The following APP variants were observed in gnomAD, a reference collection of about 807,000 sequenced individuals.
APP encodes the protein amyloid-beta precursor protein.
APP carries 31 observed loss-of-function variants against 101.4 expected under a neutral mutation model. The ratio of observed to expected loss-of-function variants is 0.31; its 90% confidence interval spans 0.23 to 0.41. The LOEUF (loss-of-function observed/expected upper bound fraction) is 0.41. Among genes scored for constraint, APP ranks in the 10% least tolerant of loss-of-function variants. The pLI is 1.00. For missense variants in APP, 839 were observed against 1,003.7 expected, an observed-to-expected ratio of 0.84 and a Z score of 2.22; for synonymous variants, 366 against 364.4, an observed-to-expected ratio of 1.00 and a Z score of -0.05.
intron 5 of APP, among the ~76,000 whole-genome samples, chr21:26,031,198 C>CAT (rs1446535884): frequency 6.6e-6 from 1 of 152,166 alleles, no homozygotes; most frequent in East Asian, 1.9e-4. Flanking sequence ...CCACTGTGTC[C>CAT]ATACACATGA....
rs532141095 is a variant in APP at position 26,105,576 on chromosome 21, G to T, written c.225+6403C>A. Among the ~76,000 whole-genome samples, 10 of 151,072 alleles carry T rather than the reference G, an allele frequency of 6.6e-5. 2 individuals carry two copies. In the South Asian group the frequency reaches 2.1e-3, roughly 31 times the overall value. ...TTCCAACACACGCATGAAAATCCAAGCCTACAAATGAGAACTATTCATTAT... is the reference window on the plus strand; with the variant it reads ...TTCCAACACACGCATGAAAATCCAATCCTACAAATGAGAACTATTCATTAT... On this transcript the variant is annotated intron_variant, in intron 2 of 17. Transcript: ENST00000346798.
chr21:25,963,432 G>A (rs2041665961), intron 11 of APP, among the ~76,000 whole-genome samples: 1 of 152,170 alleles, frequency 6.6e-6, no homozygotes, highest in Admixed American at 6.5e-5. Context: ...GAAGTGTCAA[G>A]AGCGTTTAAA....
intron 6 of APP, among the ~76,000 whole-genome samples, chr21:26,010,576 G>A (rs1226131234): frequency 1.3e-5 from 2 of 151,922 alleles, no homozygotes; most frequent in African/African-American, 2.4e-5. Flanking sequence ...TTGGGAGGCC[G>A]AGATGGATGG....
At chr21:25,950,971 C>T (rs1203117174) in intron 13 of APP, among the ~76,000 whole-genome samples, 1 of 152,154 alleles carries the variant, frequency 6.6e-6, no homozygotes, top group Non-Finnish European at 1.5e-5. Flanking sequence ...GAGTGTTATA[C>T]ACATTGATTG....
chr21:25,970,497 G>A (rs1162574290), intron 11 of APP, among the ~76,000 whole-genome samples: 3 of 152,036 alleles, frequency 2.0e-5, no homozygotes, highest in Non-Finnish European at 4.4e-5. Flanking sequence ...TGATCACACG[G>A]CTCCTCTCCT....
intron 11 of APP, among the ~76,000 whole-genome samples, chr21:25,969,239 T>A (rs2041913693): frequency 6.7e-6 from 1 of 148,566 alleles, no homozygotes; most frequent in South Asian, 2.1e-4. Context: ...TCCCAGCTAC[T>A]TGAGAGGCTG....
intron 13 of APP, chr21:25,933,768 T>G (rs2040245462): frequency 6.6e-6 from 1 of 152,108 alleles, no homozygotes; most frequent in South Asian, 2.1e-4. Flanking sequence ...TTAAACTCTT[T>G]CACGTTTTGG....
In APP at chr21:25,881,156, A is replaced by T. The variant is rs201887246; in HGVS notation, c.*514T>A. 5.4e-6 allele frequency: 1 copy of T among 185,638 alleles called. No individual in the cohort carries two copies. The highest frequency in any genetic ancestry group is 1.1e-5 in the Non-Finnish European group (1 of 87,290). The allele number at this position is 185,638 out of a possible 1,614,324, so 11.5% of individuals were successfully genotyped here. On this transcript the variant is annotated 3_prime_UTR_variant, in exon 18 of 18. Transcript: ENST00000346798. ...GTACAGTAAAATGCAGTCATGGAAA[A>T]AAAATCTCTCTAAAGCATCTGAAAT...
At chr21:26,016,554 T>G (rs2146752315) in intron 6 of APP, among the ~76,000 whole-genome samples, 1 of 152,236 alleles carries the variant, frequency 6.6e-6, no homozygotes. Flanking sequence ...CTTAACCAGT[T>G]ATGTGACCCA....
At chr21:26,152,307 A>AAAAAAT (rs869304856) in intron 1 of APP, among the ~76,000 whole-genome samples, 1 of 144,676 alleles carries the variant, frequency 6.9e-6, no homozygotes, top group South Asian at 2.1e-4. Flanking sequence ...AAAAAAAAAA[A>AAAAAAT]TGGGCCAAGG....
intron 5 of APP, among the ~76,000 whole-genome samples, chr21:26,033,556 G>A (rs1219908798): frequency 6.6e-6 from 1 of 152,216 alleles, no homozygotes; most frequent in Non-Finnish European, 1.5e-5. Flanking sequence ...GTGGACTGCA[G>A]GAAGGGAGCT....
At chr21:26,064,747 T>C (rs1314130854) in intron 3 of APP, among the ~76,000 whole-genome samples, 3 of 152,224 alleles carry the variant, frequency 2.0e-5, no homozygotes, top group Non-Finnish European at 2.9e-5. Context: ...GCGAGGCCCA[T>C]GTTCCACAGA....
chr21:25,935,836 T>C (rs1316004331), intron 13 of APP, among the ~76,000 whole-genome samples: 2 of 51,404 alleles, frequency 3.9e-5, no homozygotes, highest in Admixed American at 3.0e-4. Flanking sequence ...TGAGACTCTG[T>C]CTCAAAAAAA....
intron 15 of APP, among the ~76,000 whole-genome samples, chr21:25,899,280 C>G: frequency 6.6e-6 from 1 of 152,174 alleles, no homozygotes. Context: ...AGAACTTGGA[C>G]TTGGGTAGCA....
chr21:26,084,753 G>A (rs1010169529), intron 3 of APP, among the ~76,000 whole-genome samples: 2 of 152,156 alleles, frequency 1.3e-5, no homozygotes, highest in Non-Finnish European at 2.9e-5. Context: ...GATGATTAAT[G>A]CTGCTTAAAT....
chr21:25,948,014 A>G (rs978810209), intron 13 of APP, among the ~76,000 whole-genome samples: 1 of 151,584 alleles, frequency 6.6e-6, no homozygotes, highest in Non-Finnish European at 1.5e-5. Context: ...CAAAAAAAAA[A>G]AAAAAAAAAA....
At chr21:25,941,649 TA>T (rs923264091) in intron 13 of APP, 26 of 152,238 alleles carry the variant, frequency 1.7e-4, no homozygotes, top group African/African-American at 6.3e-4. Flanking sequence ...CCTAGTTTTT[TA>T]TTTTTAGTAG....
At chr21:26,040,499 G>A (rs562605908) in intron 5 of APP, among the ~76,000 whole-genome samples, 1 of 152,084 alleles carries the variant, frequency 6.6e-6, no homozygotes, top group African/African-American at 2.4e-5. Context: ...CGACTCGGGA[G>A]GCTAAGGCAG....
intron 17 of APP, among the ~76,000 whole-genome samples, chr21:25,889,186 C>T (rs961882247): frequency 2.6e-5 from 4 of 152,216 alleles, no homozygotes; most frequent in Middle Eastern, 3.4e-3. Context: ...CAGATAGGGT[C>T]GAAGAGGTTA....
Sources: allele counts gnomAD v4.1 joint callset (sites outside exome capture counted in the v4.1 genomes callset), GRCh38; gene constraint gnomAD v4.1.1; transcripts MANE v1.5; gene names NCBI Gene and HGNC (gene_info 2026-07-23, HGNC 2026-07-21).